The following PKNOX2 variants were observed in gnomAD, a reference collection of about 807,000 sequenced individuals.
PKNOX2 encodes homeobox protein PKNOX2.
PKNOX2 carries 14 observed loss-of-function variants against 53.1 expected under a neutral mutation model. The observed-to-expected ratio is 0.26, with a 90% CI of 0.17 to 0.41. PKNOX2 has a LOEUF of 0.41. PKNOX2 is among the 10% of genes least tolerant of loss of function. The pLI is 1.00. For synonymous variants in PKNOX2, 257 were observed against 242.8 expected, an observed-to-expected ratio of 1.06 and a Z score of -0.54; for missense variants, 496 against 602.8, an observed-to-expected ratio of 0.82 and a Z score of 1.85.
chr11:125,265,852 T>TTCC (rs1259630120), intron 2 of PKNOX2, among the ~76,000 whole-genome samples: 1 of 151,998 alleles, frequency 6.6e-6, no homozygotes, highest in Non-Finnish European at 1.5e-5. Flanking sequence ...GGAATAGGCG[T>TTCC]TCCTCTCCTC....
At chr11:125,379,488 G>A (rs1295468061) in intron 5 of PKNOX2, among the ~76,000 whole-genome samples, 1 of 152,148 alleles carries the variant, frequency 6.6e-6, no homozygotes, top group Non-Finnish European at 1.5e-5. Flanking sequence ...ATTCCTGAAG[G>A]CCTTTAAAAA....
intron 5 of PKNOX2, among the ~76,000 whole-genome samples, chr11:125,369,294 A>C (rs560670422): frequency 2.6e-5 from 4 of 152,230 alleles, no homozygotes; most frequent in Non-Finnish European, 5.9e-5. Flanking sequence ...CACACAGGCT[A>C]GGCCCAGCTG....
At chr11:125,428,772 T>A (rs1222586851) in intron 10 of PKNOX2, among the ~76,000 whole-genome samples, 1 of 152,140 alleles carries the variant, frequency 6.6e-6, no homozygotes, top group East Asian at 1.9e-4. Flanking sequence ...TGGCTCCCCA[T>A]TGTGGGGGCT....
chr11:125,345,485 G>A (rs1474748860), intron 3 of PKNOX2, among the ~76,000 whole-genome samples: 1 of 152,100 alleles, frequency 6.6e-6, no homozygotes, highest in Non-Finnish European at 1.5e-5. Flanking sequence ...CCCGCCTCCA[G>A]CTTGTCACTT....
intron 1 of PKNOX2, among the ~76,000 whole-genome samples, chr11:125,191,888 A>G (rs150580824): frequency 1.9e-3 from 297 of 152,320 alleles, no homozygotes; most frequent in African/African-American, 6.9e-3. Context: ...CTAAAACCAC[A>G]TTTCACCGGA....
intron 2 of PKNOX2, among the ~76,000 whole-genome samples, chr11:125,260,293 G>C (rs1320578596): frequency 2.6e-5 from 4 of 152,158 alleles, no homozygotes; most frequent in African/African-American, 9.7e-5. Flanking sequence ...CCACCTCCCA[G>C]GTTCAAGCGA....
intron 3 of PKNOX2, among the ~76,000 whole-genome samples, chr11:125,346,723 T>A (rs191234424): frequency 1.8e-4 from 26 of 148,522 alleles, no homozygotes; most frequent in Non-Finnish European, 3.7e-4. Context: ...GCGGCCCTCA[T>A]GACTGCCTCT....
intron 2 of PKNOX2, among the ~76,000 whole-genome samples, chr11:125,253,266 A>G (rs568327713): frequency 1.3e-5 from 2 of 152,246 alleles, no homozygotes; most frequent in South Asian, 2.1e-4. Context: ...ATAGCCTCTC[A>G]GTCCTATCAT....
chr11:125,257,189 C>T (rs776091536), intron 2 of PKNOX2, among the ~76,000 whole-genome samples: 6 of 152,136 alleles, frequency 3.9e-5, no homozygotes, highest in African/African-American at 7.2e-5. Flanking sequence ...AATGATTGTT[C>T]TTGTTTACAA....
intron 2 of PKNOX2, among the ~76,000 whole-genome samples, chr11:125,283,033 T>G (rs1946668839): frequency 1.3e-5 from 2 of 152,002 alleles, no homozygotes; most frequent in Admixed American, 1.3e-4. Context: ...GTGCCAATAA[T>G]CCCAGCTACT....
chr11:125,250,808 C>T (rs1490207188), intron 2 of PKNOX2, among the ~76,000 whole-genome samples: 1 of 152,234 alleles, frequency 6.6e-6, no homozygotes, highest in Non-Finnish European at 1.5e-5. Flanking sequence ...AGTCTGCCTC[C>T]CTTATCCCAC....
At chr11:125,337,995 GAGA>G (rs1353930740) in intron 3 of PKNOX2, among the ~76,000 whole-genome samples, 1 of 152,158 alleles carries the variant, frequency 6.6e-6, no homozygotes, top group African/African-American at 2.4e-5. Flanking sequence ...TCCAGAATTG[GAGA>G]AGAAGCGTTC....
At chr11:125,182,089 G>A (rs1171870267) in intron 1 of PKNOX2, among the ~76,000 whole-genome samples, 1 of 152,146 alleles carries the variant, frequency 6.6e-6, no homozygotes, top group East Asian at 1.9e-4. Flanking sequence ...AATTATGTTT[G>A]CATTCTAAAA....
chr11:125,227,592 G>A (rs574615382), intron 1 of PKNOX2, among the ~76,000 whole-genome samples: 7 of 152,334 alleles, frequency 4.6e-5, no homozygotes, highest in African/African-American at 1.7e-4. Context: ...TCCATTGGAT[G>A]TAGACGTATG....
At chr11:125,177,178 A>G (rs1319174744) in intron 1 of PKNOX2, among the ~76,000 whole-genome samples, 2 of 152,212 alleles carry the variant, frequency 1.3e-5, no homozygotes, top group African/African-American at 4.8e-5. Context: ...GAGGGAGTCA[A>G]CTTGACAATG....
At chr11:125,266,178 C>A (rs1437268700) in intron 2 of PKNOX2, among the ~76,000 whole-genome samples, 1 of 152,154 alleles carries the variant, frequency 6.6e-6, no homozygotes, top group Non-Finnish European at 1.5e-5. Flanking sequence ...GCTCAGAAAG[C>A]ACGAGCAGAG....
chr11:125,384,461 G>A (rs973857779), intron 5 of PKNOX2, among the ~76,000 whole-genome samples: 3 of 152,250 alleles, frequency 2.0e-5, no homozygotes, highest in South Asian at 4.2e-4. Flanking sequence ...TGAGACGGGC[G>A]GATCACGAGG....
Position 125,351,412 on chromosome 11 carries a change from T to C in PKNOX2, c.87+20T>C, listed in dbSNP as rs1951311521. On this transcript the variant is annotated intron_variant, in intron 4 of 12. Transcript: ENST00000298282. ...CCACAGGTGAGTGCGCAGGGGCCGC[T>C]GCCTCCCACCACGGGGGAGGGAGTG... 4.6e-6 allele frequency: 7 copies of C among 1,519,780 alleles called. No individual in the cohort carries two copies. Among genetic ancestry groups the C allele is most frequent in the Non-Finnish European group, 6.4e-6 (7 of 1,099,162 alleles). The allele number at this position is 1,519,780 out of a possible 1,614,324, so 94.1% of individuals were successfully genotyped here. A position where few individuals can be genotyped will look rare whatever the true frequency, so the allele number is the denominator to read the frequency against.
At chr11:125,354,904 T>C (rs952946820) in intron 4 of PKNOX2, among the ~76,000 whole-genome samples, 1 of 152,072 alleles carries the variant, frequency 6.6e-6, no homozygotes, top group Non-Finnish European at 1.5e-5. Context: ...CGGAGAAACT[T>C]TGTGATTGTT....
Sources: gnomAD v4.1 joint callset for allele counts (sites outside exome capture counted in the v4.1 genomes callset) on GRCh38, gnomAD v4.1.1 for gene constraint, MANE v1.5 for transcripts, NCBI Gene and HGNC (gene_info 2026-07-23, HGNC 2026-07-21) for gene names.